The following CACNA2D4 variants were observed in gnomAD, a reference collection of about 807,000 sequenced individuals.
CACNA2D4 encodes calcium voltage-gated channel auxiliary subunit alpha2delta 4, also known as voltage-dependent calcium channel subunit alpha-2/delta-4.
CACNA2D4 carries 157 observed loss-of-function variants against 163.8 expected under a neutral mutation model. That is an observed-to-expected ratio of 0.96 (90% CI 0.84 to 1.09). The LOEUF (loss-of-function observed/expected upper bound fraction) is 1.09, where lower values mean the gene tolerates loss of function less well. Among genes scored for constraint, CACNA2D4 ranks in the 50% least tolerant of loss-of-function variants. The pLI, the probability that CACNA2D4 is intolerant of heterozygous loss-of-function variation, is 0.00. For synonymous variants in CACNA2D4, 598 were observed against 586.9 expected, an observed-to-expected ratio of 1.02 and a Z score of -0.27; for missense variants, 1,410 against 1,479.9, an observed-to-expected ratio of 0.95 and a Z score of 0.78.
At chr12:1,914,609 A>T (rs922258697) in intron 2 of CACNA2D4, among the ~76,000 whole-genome samples, 7 of 152,088 alleles carry the variant, frequency 4.6e-5, no homozygotes, top group Non-Finnish European at 7.4e-5. Flanking sequence ...TGCAGGTCTA[A>T]TTCCACCTTG....
chr12:1,918,084 G>T (rs893372211), intron 1 of CACNA2D4, 163 bp downstream of exon 1: 14 of 623,922 alleles, frequency 2.2e-5, no homozygotes, highest in Non-Finnish European at 3.7e-5. Flanking sequence ...GGCCGGAGAA[G>T]CAAAGGGCTT....
At chr12:1,815,045 C>T (rs34715276) in intron 26 of CACNA2D4, among the ~76,000 whole-genome samples, 13,192 of 152,186 alleles carry the variant, frequency 0.087, 738 homozygotes, top group Admixed American at 0.19. Flanking sequence ...GCGTGTGATA[C>T]CATGCATGGC....
At chr12:1,866,698 G>T (rs1261321425) in intron 18 of CACNA2D4, among the ~76,000 whole-genome samples, 1 of 151,938 alleles carries the variant, frequency 6.6e-6, no homozygotes, top group African/African-American at 2.4e-5. Flanking sequence ...ACAGCTCATT[G>T]CAGCCTCAAC....
Position 1,844,007 on chromosome 12 carries a change from T to C in CACNA2D4, c.2470+395A>G, listed in dbSNP as rs1012589798. The stretch of plus-strand genomic sequence containing the variant: ...GCAGCCCCACTGACTTAGTGAGTAC[T>C]GCAGCCCCTAATGAAACCACCCGTC... On this transcript the variant is annotated intron_variant, in intron 25 of 37. Coordinates refer to ENST00000382722, the MANE Select transcript of CACNA2D4 (RefSeq NM_172364.5). This position sits in a 1 kb window ranked among gnomAD's most constrained non-coding sequence, Gnocchi z 4.2. Among the ~76,000 whole-genome samples the C allele has an allele frequency of 2.0e-5, 3 of 152,226 alleles. No homozygotes were observed. Among genetic ancestry groups the C allele is most frequent in the African/African-American group, 4.8e-5 (2 of 41,456 alleles).
chr12:1,861,505 T>C (rs939390408), intron 18 of CACNA2D4, among the ~76,000 whole-genome samples: 8 of 151,746 alleles, frequency 5.3e-5, no homozygotes, highest in Admixed American at 1.3e-4. Flanking sequence ...TGCAATGGCG[T>C]GATCTTGACT....
chr12:1,907,378 G>T (rs1191511987), intron 6 of CACNA2D4, 62 bp downstream of exon 6: 3 of 537,524 alleles, frequency 5.6e-6, no homozygotes, highest in African/African-American at 1.6e-4. Flanking sequence ...CATCTTCAGT[G>T]CCCCTATTAT....
chr12:1,811,537 AG>A, intron 27 of CACNA2D4, 124 bp downstream of exon 27: 1 of 947,092 alleles, frequency 1.1e-6, no homozygotes, highest in Non-Finnish European at 1.6e-6. Flanking sequence ...TGAGAAGTGT[AG>A]GGGCCGGGAG....
chr12:1,876,071 T>C (rs1034914166), intron 16 of CACNA2D4, among the ~76,000 whole-genome samples: 2 of 152,222 alleles, frequency 1.3e-5, no homozygotes, highest in African/African-American at 4.8e-5. Context: ...GTCAGGTCCC[T>C]CTTCACAATC....
intron 19 of CACNA2D4, 57 bp from the exon 20 acceptor site, chr12:1,858,701 C>A: frequency 7.0e-7 from 1 of 1,434,876 alleles, no homozygotes; most frequent in Non-Finnish European, 9.6e-7. Context: ...GGCCTGTCTC[C>A]CGGGCCTCGT....
Position 1,844,581 on chromosome 12 carries a change from C to T in CACNA2D4, c.2343-52G>A, listed in dbSNP as rs1865102124. 2.5e-6 allele frequency: 4 copies of T among 1,575,698 alleles called. No homozygotes were observed. The highest frequency in any genetic ancestry group is 2.3e-5 in the East Asian group (1 of 44,156). On this transcript the variant is annotated intron_variant, in intron 24 of 37. Transcript: ENST00000382722. The surrounding 1 kb of genome is among the most constrained non-coding windows in gnomAD (Gnocchi z 4.2). ...TCCCCAGATCTGTGAACACAGTCAT[C>T]ACTCTTTCCTTTTCTCACACAAGGT... is the stretch of plus-strand genomic sequence containing the variant.
chr12:1,907,887 C>T lies in CACNA2D4; in HGVS notation c.637G>A (p.Val213Met), dbSNP rs1866703828. ...GCGTGCCGGCTACCTTTGTTGTACA[C>T]GTTGGTGGGCAGCTGCACGCTGCTG... ...SISSVQLPTN[V>M]YNKDPDILNG... The change falls in exon 5 of 38, where the codon GTG (valine) becomes ATG (methionine). Residue 213 changes from valine to methionine, a missense_variant. Transcript: ENST00000382722. 1.2e-6 allele frequency: 2 copies of T among 1,613,984 alleles called. No homozygotes were observed. The highest frequency in any genetic ancestry group is 8.5e-7 in the Non-Finnish European group (1 of 1,179,880).
At chr12:1,795,577 A>C in intron 36 of CACNA2D4, 91 bp downstream of exon 36, 1 of 997,228 alleles carries the variant, frequency 1.0e-6, no homozygotes, top group East Asian at 2.4e-5. Flanking sequence ...GCGGTGAAGG[A>C]GGCTGGCCCC....
chr12:1,796,320 G>A (rs1454130469), intron 35 of CACNA2D4, among the ~76,000 whole-genome samples: 1 of 152,250 alleles, frequency 6.6e-6, no homozygotes, highest in East Asian at 1.9e-4. Context: ...CGCCTCCCCT[G>A]GGATGGGCGG....
At chr12:1,846,522 G>T in intron 24 of CACNA2D4, 72 bp downstream of exon 24, 1 of 1,266,436 alleles carries the variant, frequency 7.9e-7, no homozygotes. Context: ...CATGGCCCAG[G>T]AACACACCAT....
At chr12:1,914,508 C>T (rs976772288) in intron 2 of CACNA2D4, among the ~76,000 whole-genome samples, 6 of 152,134 alleles carry the variant, frequency 3.9e-5, no homozygotes, top group Non-Finnish European at 8.8e-5. Flanking sequence ...TCCAAGTCTC[C>T]GCTGGCATCA....
intron 16 of CACNA2D4, among the ~76,000 whole-genome samples, chr12:1,877,960 C>T (rs953792030): frequency 6.6e-6 from 1 of 152,182 alleles, no homozygotes; most frequent in African/African-American, 2.4e-5. Flanking sequence ...GGCTCCCCTG[C>T]CATTTCCATG....
intron 7 of CACNA2D4, 137 bp downstream of exon 7, chr12:1,886,872 G>A (rs1866158356): frequency 1.6e-6 from 1 of 621,030 alleles, no homozygotes; most frequent in Non-Finnish European, 3.0e-6. Flanking sequence ...CTGCTCTTGT[G>A]TCGGGCTAGG....
intron 26 of CACNA2D4, among the ~76,000 whole-genome samples, chr12:1,840,485 T>A (rs1167239101): frequency 6.6e-6 from 1 of 152,048 alleles, no homozygotes; most frequent in Admixed American, 6.5e-5. Flanking sequence ...CTGCAGTCTC[T>A]GTTCCGTGTG....
chr12:1,805,698 G>A (rs917984335), intron 29 of CACNA2D4, among the ~76,000 whole-genome samples: 2 of 152,204 alleles, frequency 1.3e-5, no homozygotes, highest in African/African-American at 2.4e-5. Flanking sequence ...CTCTGACCAC[G>A]ACAGGATTAA....
Sources: allele counts gnomAD v4.1 joint callset (sites outside exome capture counted in the v4.1 genomes callset), GRCh38; gene constraint gnomAD v4.1.1; non-coding constraint Gnocchi (gnomAD v3.1); transcripts MANE v1.5; gene names NCBI Gene and HGNC (gene_info 2026-07-23, HGNC 2026-07-21).